ABCA7: variants seen among roughly 807,000 people sequenced by gnomAD.
ABCA7 encodes the protein ATP binding cassette subfamily A member 7, also known as phospholipid-transporting ATPase ABCA7.
ABCA7 carries 261 observed loss-of-function variants against 227.6 expected under a neutral mutation model. The ratio of observed to expected loss-of-function variants is 1.15; its 90% CI spans 1.04 to 1.27. The LOEUF (loss-of-function observed/expected upper bound fraction) is 1.27, where lower values mean the gene tolerates loss of function less well. ABCA7 is among the 50% of genes most tolerant of loss of function. The pLI, the probability that ABCA7 is intolerant of heterozygous loss-of-function variation, is 0.00. For missense variants in ABCA7, 3,331 were observed against 2,924.5 expected (o/e 1.14, Z -3.21); for synonymous variants, 1,488 against 1,279.7 (o/e 1.16, Z -3.47).
intron 3 of ABCA7, 30 bp downstream of exon 3, chr19:1,041,633 T>C: frequency 1.9e-6 from 3 of 1,604,044 alleles, no homozygotes; most frequent in Non-Finnish European, 2.6e-6. Flanking sequence ...AGGCACTTTG[T>C]GTGTGTAGGG....
chr19:1,058,363 C>T (rs949103836), intron 37 of ABCA7, 94 bp downstream of exon 37: 6 of 1,524,898 alleles, frequency 3.9e-6, no homozygotes, highest in Non-Finnish European at 5.3e-6. Flanking sequence ...AAAACAGCCC[C>T]CCAGGGAGAC....
Position 1,053,444 on chromosome 19 carries a change from C to T in ABCA7, c.3336C>T (p.Ser1112=). 6.2e-7 allele frequency: 1 copy of T among 1,602,686 alleles called. No individual in the cohort carries two copies. Among genetic ancestry groups the T allele is most frequent in the Non-Finnish European group, 8.5e-7 (1 of 1,176,398 alleles). The part of the protein sequence containing the change: ...VLPYTGAHDG[S]FATLFRELDT... ...CCTACACGGGTGCCCATGACGGCAGCTTCGCCACACTCTTCCGAGAGCTAG... is the reference window on the plus strand; with the variant it reads ...CCTACACGGGTGCCCATGACGGCAGTTTCGCCACACTCTTCCGAGAGCTAG... The change falls in exon 24 of 47, where the codon AGC becomes AGT. Residue 1112 remains serine (S), a synonymous_variant. Coordinates refer to ENST00000263094, the MANE Select transcript of ABCA7 (RefSeq NM_019112.4).
chr19:1,053,891 A>G, intron 25 of ABCA7, 55 bp downstream of exon 25: 2 of 1,594,872 alleles, frequency 1.3e-6, no homozygotes, highest in Admixed American at 3.4e-5. Flanking sequence ...ACCAGAGGCC[A>G]GGTCCCCATC....
chr19:1,057,609 TG>T (rs1180078362), intron 35 of ABCA7, among the ~76,000 whole-genome samples, 180 bp downstream of exon 35: 7 of 152,158 alleles, frequency 4.6e-5, no homozygotes, highest in African/African-American at 1.4e-4. Context: ...CATCTTATCC[TG>T]ACTCATATTA....
Position 1,054,300 on chromosome 19 carries a change from T to A in ABCA7, c.3685T>A (p.Phe1229Ile). 1.9e-6 allele frequency: 3 copies of A among 1,605,514 alleles called. No homozygotes were observed. Among genetic ancestry groups the A allele is most frequent in the Non-Finnish European group, 2.5e-6 (3 of 1,179,272 alleles). The change falls in exon 27 of 47, where the codon TTT becomes ATT. Residue 1229 changes from phenylalanine (F) to isoleucine (I), a missense_variant. By Grantham distance (21) the Phe-to-Ile change is conservative. Coordinates refer to ENST00000263094, the MANE Select transcript of ABCA7 (RefSeq NM_019112.4). The surrounding 1 kb of genome is among the most constrained non-coding windows in gnomAD (Gnocchi z 4.8). Reference sequence around the variant, plus strand: ...GCTCCAGGCCCTGCTTCTCAAGCGCTTTCTGCTTGCCCGCCGCAGCCGCCG... The same window carrying A: ...GCTCCAGGCCCTGCTTCTCAAGCGCATTCTGCTTGCCCGCCGCAGCCGCCG... Reference protein sequence around the residue: ...QQLQALLLKRFLLARRSRRGL... With the variant: ...QQLQALLLKRILLARRSRRGL...
chr19:1,046,794 C>T lies in ABCA7; in HGVS notation c.1623-8C>T. On this transcript the variant is annotated splice_polypyrimidine_tract_variant and splice_region_variant and intron_variant, in intron 13 of 46. Coordinates refer to ENST00000263094, the MANE Select transcript of ABCA7 (RefSeq NM_019112.4). Reference sequence around the variant, plus strand: ...CTCCAGCCTCCACCCCAGCCGTCCCCACCCCAGGTTCCTGCGTGTGCTGAG... The same window carrying T: ...CTCCAGCCTCCACCCCAGCCGTCCCTACCCCAGGTTCCTGCGTGTGCTGAG... 2.6e-6 allele frequency: 4 copies of T among 1,535,876 alleles called. No homozygotes were observed. The highest frequency in any genetic ancestry group is 3.5e-6 in the Non-Finnish European group (4 of 1,146,106).
chr19:1,047,804 G>GCCAC, intron 16 of ABCA7, 150 bp downstream of exon 16: 1 of 919,694 alleles, frequency 1.1e-6, no homozygotes, highest in Non-Finnish European at 1.6e-6. Flanking sequence ...CATGCAGGTG[G>GCCAC]CTGCATTGGA....
chr19:1,049,638 GT>G, intron 18 of ABCA7, among the ~76,000 whole-genome samples: 1 of 88 alleles, frequency 0.011, no homozygotes, highest in African/African-American at 0.056. Flanking sequence ...CTCCCTCCCC[GT>G]GAGCCCCCCC....
intron 29 of ABCA7, 76 bp from the exon 30 acceptor site, chr19:1,055,021 C>T (rs1568369046): frequency 6.5e-7 from 1 of 1,536,696 alleles, no homozygotes. Flanking sequence ...TCCAGGAACC[C>T]CCAGAAGCTG....
At position 1,057,335 on chromosome 19, in the gene ABCA7, T is replaced by A; in HGVS notation, c.4786T>A (p.Cys1596Ser). Residue 1596 changes from cysteine to serine, a missense_variant, in exon 35 of 47, where the codon TGC (cysteine) becomes AGC (serine). Physicochemically the swap from Cys to Ser is moderately radical, Grantham distance 112 (BLOSUM62 -1). Transcript: ENST00000263094. ...WDMCNYLVPACIVVLIFLAFQ... is the reference protein window; with the variant it reads ...WDMCNYLVPASIVVLIFLAFQ... The stretch of plus-strand genomic sequence containing the variant: ...GCAGTGTAACTACTTGGTGCCAGCA[T>A]GCATCGTGGTGCTCATCTTTCTGGC... 1 of 1,613,976 alleles carries A rather than the reference T, an allele frequency of 6.2e-7. No homozygotes were observed. Among genetic ancestry groups the A allele is most frequent in the African/African-American group, 1.3e-5 (1 of 75,048 alleles).
At position 1,051,892 on chromosome 19, in the gene ABCA7, C is replaced by A. The variant is rs780600412; in HGVS notation, c.2963-50C>A. The A allele has an allele frequency of 4.4e-6, 7 of 1,591,002 alleles. No individual in the cohort carries two copies. The Admixed American group carries it at 1.2e-4, about 27-fold the overall frequency. ...CTCCTGGCAGAGGCCCCAGCTCGGGCAAAGACGCGGCGGCCTGATGGTAGT... is the reference window on the plus strand; with the variant it reads ...CTCCTGGCAGAGGCCCCAGCTCGGGAAAAGACGCGGCGGCCTGATGGTAGT... On this transcript the variant is annotated intron_variant, in intron 21 of 46. Transcript: ENST00000263094.
chr19:1,051,505 G>A lies in ABCA7; in HGVS notation c.2881G>A (p.Val961Ile). 6.2e-7 allele frequency: 1 copy of A among 1,612,694 alleles called. No homozygotes were observed. Among genetic ancestry groups the A allele is most frequent in the Non-Finnish European group, 8.5e-7 (1 of 1,179,938 alleles). Residue 961 changes from valine (V) to isoleucine (I), a missense_variant, in exon 21 of 47, where the codon GTT (valine) becomes ATT (isoleucine). Coordinates refer to ENST00000263094, the MANE Select transcript of ABCA7 (RefSeq NM_019112.4). ...AIAFVGGSQV[V>I]ILDEPTAGVD... is the part of the protein sequence containing the mutation. ...TGCCTTTGTGGGCGGCTCCCAAGTTGTTATCCTGGACGAGCCTACGGCTGG... is the reference window on the plus strand; with the variant it reads ...TGCCTTTGTGGGCGGCTCCCAAGTTATTATCCTGGACGAGCCTACGGCTGG...
chr19:1,056,903 C>A lies in ABCA7; in HGVS notation c.4587-4C>A. 1 of 1,612,564 alleles carries A rather than the reference C, an allele frequency of 6.2e-7. No homozygotes were observed. The highest frequency in any genetic ancestry group is 8.5e-7 in the Non-Finnish European group (1 of 1,179,010). On this transcript the variant is annotated splice_region_variant and splice_polypyrimidine_tract_variant and intron_variant, in intron 33 of 46. Coordinates refer to ENST00000263094, the MANE Select transcript of ABCA7 (RefSeq NM_019112.4). This position sits in a 1 kb window ranked among gnomAD's most constrained non-coding sequence, Gnocchi z 4.3. ...TACAACAGCTCTCATGTCTTCACCT[C>A]CAGGATGGCCTCCTCGGTGGACGTC... is the stretch of plus-strand genomic sequence containing the variant.
In ABCA7 at chr19:1,055,296, G is replaced by C. The variant is rs1351459101; in HGVS notation, c.4150G>C (p.Gly1384Arg). The C allele has an allele frequency of 3.7e-6, 6 of 1,604,654 alleles. No homozygotes were observed. The highest frequency in any genetic ancestry group is 5.1e-6 in the Non-Finnish European group (6 of 1,176,918). ...TGGGGAAGTGGTTCAGAACCTGACA[G>C]GCCGGAACCTGTCTGACTTCCTGGT... ...GSGEVVQNLT[G>R]RNLSDFLVKT... The change falls in exon 30 of 47, where the codon GGC (glycine) becomes CGC (arginine). Residue 1384 changes from glycine (G) to arginine (R), a missense_variant. Physicochemically the swap from Gly to Arg is moderately radical, Grantham distance 125. Coordinates refer to ENST00000263094, the MANE Select transcript of ABCA7 (RefSeq NM_019112.4).
At position 1,041,904 on chromosome 19, in the gene ABCA7, C is replaced by A. The variant is rs2040076476; in HGVS notation, c.234C>A (p.Asn78Lys). 1.1e-5 allele frequency: 17 copies of A among 1,601,828 alleles called. No individual in the cohort carries two copies. The highest frequency in any genetic ancestry group is 1.4e-5 in the Non-Finnish European group (17 of 1,178,806). Residue 78 changes from asparagine (N) to lysine (K), a missense_variant, in exon 4 of 47, where the codon AAC becomes AAA. Physicochemically the swap from Asn to Lys is moderately conservative, Grantham distance 94 (BLOSUM62 0). Coordinates refer to ENST00000263094, the MANE Select transcript of ABCA7 (RefSeq NM_019112.4). ...PWLQGLICNV[N>K]NTCFPQLTPG... ...TCCAGGGTCTCATCTGTAATGTGAACAACACCTGCTTTCCGCAGCTGACAC... is the reference window on the plus strand; with the variant it reads ...TCCAGGGTCTCATCTGTAATGTGAAAAACACCTGCTTTCCGCAGCTGACAC...
chr19:1,058,972 G>A (rs776063385), intron 39 of ABCA7, 32 bp downstream of exon 39: 1 of 1,612,808 alleles, frequency 6.2e-7, no homozygotes, highest in Admixed American at 1.7e-5. Flanking sequence ...GCTGGGTGGG[G>A]GGTGCTCCCA....
chr19:1,050,437 TAA>T (rs1021520209), intron 18 of ABCA7, among the ~76,000 whole-genome samples: 1 of 135,376 alleles, frequency 7.4e-6, no homozygotes, highest in African/African-American at 2.6e-5. Flanking sequence ...AACAAATAAA[TAA>T]AAATAAGGCT....
Position 1,047,218 on chromosome 19 carries a change from C to T in ABCA7, c.1907C>T (p.Ala636Val), listed in dbSNP as rs757974181. The T allele has an allele frequency of 4.4e-6, 7 of 1,608,616 alleles. No homozygotes were observed. The highest frequency in any genetic ancestry group is 3.3e-5 in the Admixed American group (2 of 59,812). The change falls in exon 15 of 47, where the codon GCG becomes GTG. Residue 636 changes from alanine to valine, a missense_variant. Coordinates refer to ENST00000263094, the MANE Select transcript of ABCA7 (RefSeq NM_019112.4). ...GVVFLFLAAFAVATVTQSFLL... is the reference protein window; with the variant it reads ...GVVFLFLAAFVVATVTQSFLL... Reference sequence around the variant, plus strand: ...GTCTTCCTGTTCTTGGCAGCCTTCGCGGTGGCCACGGTGACCCAGAGCTTC... The same window carrying T: ...GTCTTCCTGTTCTTGGCAGCCTTCGTGGTGGCCACGGTGACCCAGAGCTTC...
At chr19:1,055,411 G>A in intron 30 of ABCA7, 60 bp downstream of exon 30, 1 of 1,482,198 alleles carries the variant, frequency 6.7e-7, no homozygotes, top group South Asian at 1.4e-5. Flanking sequence ...GGGTTGCTGG[G>A]GCTGGTGTGG....
Sources: allele counts gnomAD v4.1 joint callset (sites outside exome capture counted in the v4.1 genomes callset), GRCh38; gene constraint gnomAD v4.1.1; non-coding constraint Gnocchi (gnomAD v3.1); transcripts MANE v1.5; gene names NCBI Gene and HGNC (gene_info 2026-07-23, HGNC 2026-07-21).